Variants in UHRF2 observed in about 807,000 individuals in gnomAD.
The protein encoded by UHRF2 is E3 ubiquitin-protein ligase UHRF2.
UHRF2 carries 23 observed loss-of-function variants against 96.8 expected under a neutral mutation model. The observed-to-expected ratio is 0.24, with a 90% CI of 0.17 to 0.34. The LOEUF is 0.34. Among genes scored for constraint, UHRF2 ranks in the 10% least tolerant of loss-of-function variants. UHRF2 has a pLI of 1.00. For missense variants in UHRF2, 685 were observed against 981.5 expected (o/e 0.70, Z 4.04); for synonymous variants, 385 against 332.6 (o/e 1.16, Z -1.72).
intron 3 of UHRF2, among the ~76,000 whole-genome samples, chr9:6,447,177 C>T (rs1485444471): frequency 6.6e-6 from 1 of 152,204 alleles, no homozygotes; most frequent in African/African-American, 2.4e-5. Context: ...GCATGAGCCA[C>T]CGCGCCCAGC....
chr9:6,488,540 C>CTTTTTTTTTTTTTTT (rs58280407), intron 9 of UHRF2, among the ~76,000 whole-genome samples: 29 of 83,810 alleles, frequency 3.5e-4, no homozygotes, highest in African/African-American at 7.1e-4. Flanking sequence ...TTTTTCTTTT[C>CTTTTTTTTTTTTTTT]TTTTTTTTTT....
chr9:6,458,798 C>G (rs1423357606), intron 3 of UHRF2, among the ~76,000 whole-genome samples: 3 of 152,174 alleles, frequency 2.0e-5, no homozygotes, highest in Admixed American at 1.3e-4. Context: ...TTCACAACAG[C>G]AAAGACTTGG....
Position 6,413,561 on chromosome 9 carries a change from C to T in UHRF2, c.71C>T (p.Thr24Met), listed in dbSNP as rs1429066554. ...ATTGAGGACGTGTCTCGCAAAGCCACGATTGAGGAGCTGCGCGAGCGGGTG... is the reference window on the plus strand; with the variant it reads ...ATTGAGGACGTGTCTCGCAAAGCCATGATTGAGGAGCTGCGCGAGCGGGTG... ...CTIEDVSRKA[T>M]IEELRERVWA... The change falls in exon 1 of 16, where the codon ACG becomes ATG. Residue 24 changes from threonine (T) to methionine (M), a missense_variant. Transcript: ENST00000276893. The T allele has an allele frequency of 1.2e-5, 19 of 1,601,768 alleles. No homozygotes were observed. The highest frequency in any genetic ancestry group is 1.5e-5 in the Non-Finnish European group (18 of 1,174,780).
chr9:6,504,189 A>C (rs7864027), intron 14 of UHRF2, among the ~76,000 whole-genome samples: 137,556 of 152,000 alleles, frequency 0.9, 62,487 homozygotes, highest in East Asian at 1. Flanking sequence ...CCACGCCCAG[A>C]TAATTTTTTG....
chr9:6,464,794 C>CT (rs1256601934), intron 4 of UHRF2, among the ~76,000 whole-genome samples: 1 of 152,112 alleles, frequency 6.6e-6, no homozygotes, highest in Non-Finnish European at 1.5e-5. Flanking sequence ...CAGTTCCACA[C>CT]TTTCATAATA....
At chr9:6,494,108 C>G in intron 10 of UHRF2, 176 bp downstream of exon 10, 2 of 539,524 alleles carry the variant, frequency 3.7e-6, no homozygotes, top group Non-Finnish European at 6.4e-6. Context: ...TATCTTTATA[C>G]TGTTATTTTT....
At chr9:6,475,332 A>T (rs1699828577) in intron 4 of UHRF2, 59 bp from the exon 5 acceptor site, 1 of 1,005,148 alleles carries the variant, frequency 9.9e-7, no homozygotes, top group Non-Finnish European at 1.4e-6. Flanking sequence ...TTTAATTATT[A>T]TTTGTATATA....
At chr9:6,415,351 C>G (rs1421923401) in intron 1 of UHRF2, 1 of 152,194 alleles carries the variant, frequency 6.6e-6, no homozygotes, top group East Asian at 1.9e-4. Context: ...CAGTGATAAA[C>G]CAGTAGGGTA....
intron 2 of UHRF2, among the ~76,000 whole-genome samples, chr9:6,426,159 G>C (rs1450176667): frequency 2.6e-5 from 4 of 152,158 alleles, no homozygotes; most frequent in Non-Finnish European, 4.4e-5. Context: ...AATCGAATTC[G>C]GAAGAGCATC....
chr9:6,474,448 G>A (rs1416473505), intron 4 of UHRF2, among the ~76,000 whole-genome samples: 1 of 152,194 alleles, frequency 6.6e-6, no homozygotes, highest in Non-Finnish European at 1.5e-5. Flanking sequence ...ACTCATGCCT[G>A]TAATCCTAGC....
At chr9:6,467,604 T>TG (rs955861592) in intron 4 of UHRF2, among the ~76,000 whole-genome samples, 5 of 150,470 alleles carry the variant, frequency 3.3e-5, no homozygotes, top group African/African-American at 9.8e-5. Context: ...AGTTTTTTTT[T>TG]TTTTTTTTTT....
intron 1 of UHRF2, 142 bp from the exon 2 acceptor site, chr9:6,420,770 G>T (rs1313056381): frequency 1.6e-6 from 1 of 637,002 alleles, no homozygotes; most frequent in East Asian, 2.8e-5. Flanking sequence ...GACATCAGAG[G>T]CCATTAAGTA....
intron 9 of UHRF2, among the ~76,000 whole-genome samples, chr9:6,487,731 A>G (rs1452035730): frequency 6.6e-6 from 1 of 152,178 alleles, no homozygotes; most frequent in Non-Finnish European, 1.5e-5. Context: ...CAAACTCCTG[A>G]CCTCAGATGA....
At chr9:6,475,723 C>G (rs1229335413) in intron 5 of UHRF2, among the ~76,000 whole-genome samples, 1 of 151,844 alleles carries the variant, frequency 6.6e-6, no homozygotes, top group Non-Finnish European at 1.5e-5. Context: ...TATTTTATTG[C>G]TATTATTTTA....
Position 6,460,663 on chromosome 9 carries a change from T to A in UHRF2, c.735T>A (p.Gly245=), listed in dbSNP as rs1405870115. 6.2e-7 allele frequency: 1 copy of A among 1,613,776 alleles called. No individual in the cohort carries two copies. Among genetic ancestry groups the A allele is most frequent in the East Asian group, 2.2e-5 (1 of 44,854 alleles). ...TILKWNELNV[G]DVVMVNYNVE... is the part of the protein sequence containing the mutation. The stretch of plus-strand genomic sequence containing the variant: ...TGAAATGGAATGAACTAAATGTTGG[T>A]GATGTGGTAATGGTTAATTATAATG... The change falls in exon 4 of 16, where the codon GGT becomes GGA. Residue 245 remains glycine (G), a synonymous_variant. Coordinates refer to ENST00000276893, the MANE Select transcript of UHRF2 (RefSeq NM_152896.3).
chr9:6,451,188 T>C (rs1170984739), intron 3 of UHRF2, among the ~76,000 whole-genome samples: 1 of 152,186 alleles, frequency 6.6e-6, no homozygotes, highest in Non-Finnish European at 1.5e-5. Flanking sequence ...CGTGTTTTTT[T>C]TGTCTTTAGG....
chr9:6,496,667 A>C (rs1455050668), intron 10 of UHRF2: 1 of 152,332 alleles, frequency 6.6e-6, no homozygotes, highest in African/African-American at 2.4e-5. Context: ...ACATTCTCAT[A>C]CACCACTTAT....
chr9:6,448,887 A>C (rs540689057), intron 3 of UHRF2, among the ~76,000 whole-genome samples: 1 of 152,322 alleles, frequency 6.6e-6, no homozygotes, highest in Non-Finnish European at 1.5e-5. Context: ...TTTTGTGTTT[A>C]GCCAGTGTTT....
intron 2 of UHRF2, among the ~76,000 whole-genome samples, chr9:6,423,957 T>TA (rs1222281406): frequency 1.3e-5 from 2 of 151,142 alleles, no homozygotes; most frequent in African/African-American, 4.9e-5. Context: ...AAAAAATAAA[T>TA]AAATAAATAA....
Sources: allele counts gnomAD v4.1 joint callset (sites outside exome capture counted in the v4.1 genomes callset), GRCh38; gene constraint gnomAD v4.1.1; transcripts MANE v1.5; gene names NCBI Gene and HGNC (gene_info 2026-07-23, HGNC 2026-07-21).